KIF5C: variants seen among roughly 807,000 people sequenced by gnomAD.
KIF5C encodes kinesin heavy chain isoform 5C.
A neutral mutation model predicts 125.2 loss-of-function variants in KIF5C; 18 were observed. The ratio of observed to expected loss-of-function variants is 0.14; its 90% CI spans 0.10 to 0.21. The LOEUF (loss-of-function observed/expected upper bound fraction) is 0.21. Among genes scored for constraint, KIF5C ranks in the 10% least tolerant of loss-of-function variants. The pLI is 1.00. For missense variants in KIF5C, 780 were observed against 1,183.8 expected, an observed-to-expected ratio of 0.66 and a Z score of 5.01; for synonymous variants, 405 against 434.0, an observed-to-expected ratio of 0.93 and a Z score of 0.83.
chr2:148,913,371 C>G (rs1292784654), intron 1 of KIF5C, among the ~76,000 whole-genome samples: 1 of 152,094 alleles, frequency 6.6e-6, no homozygotes, highest in Non-Finnish European at 1.5e-5. Flanking sequence ...GTCTGACCCC[C>G]AAAATCATGA....
chr2:148,901,052 C>G (rs943119294), intron 1 of KIF5C, among the ~76,000 whole-genome samples: 3 of 152,184 alleles, frequency 2.0e-5, no homozygotes, highest in Non-Finnish European at 4.4e-5. Flanking sequence ...ATGCGGTTGA[C>G]CAGAAAGGGA....
At position 148,901,713 on chromosome 2, in the gene KIF5C, G is replaced by T. The variant is rs1184870623; in HGVS notation, c.127-20424G>T. On this transcript the variant is annotated intron_variant, in intron 1 of 25. Coordinates refer to ENST00000435030, the MANE Select transcript of KIF5C (RefSeq NM_004522.3). ...GGGCAGATGTGGTACACCCATGTCA[G>T]ATACCCCAGTGGCAGGCTCCTGTCA... is the stretch of plus-strand genomic sequence containing the variant. Among the ~76,000 whole-genome samples, 5 of 152,164 alleles carry T rather than the reference G, an allele frequency of 3.3e-5. 1 individual carries two copies. In the South Asian group the frequency reaches 1.0e-3, roughly 32 times the overall value.
chr2:148,994,716 T>C (rs937164111), intron 17 of KIF5C, among the ~76,000 whole-genome samples, 178 bp downstream of exon 17: 1 of 151,998 alleles, frequency 6.6e-6, no homozygotes, highest in Non-Finnish European at 1.5e-5. Flanking sequence ...TCTTTTTTTT[T>C]TTTTAAGATG....
At chr2:148,883,296 TC>T (rs1294820098) in intron 1 of KIF5C, among the ~76,000 whole-genome samples, 1 of 152,024 alleles carries the variant, frequency 6.6e-6, no homozygotes, top group African/African-American at 2.4e-5. Context: ...GGTCAGGAGA[TC>T]GAGACCATCC....
At chr2:148,890,362 A>G (rs1404558188) in intron 1 of KIF5C, among the ~76,000 whole-genome samples, 4 of 152,228 alleles carry the variant, frequency 2.6e-5, no homozygotes, top group South Asian at 2.1e-4. Flanking sequence ...TTAGCCAGGT[A>G]TGGTCGTGTG....
intron 21 of KIF5C, among the ~76,000 whole-genome samples, chr2:149,003,718 T>C (rs76955231): frequency 0.017 from 2,609 of 152,332 alleles, 44 homozygotes; most frequent in Non-Finnish European, 0.024. Context: ...TATACTACCC[T>C]TCCCAAACTG....
At chr2:148,973,276 C>T (rs1423762870) in intron 11 of KIF5C, 60 bp from the exon 12 acceptor site, 1 of 1,551,698 alleles carries the variant, frequency 6.4e-7, no homozygotes, top group Non-Finnish European at 8.7e-7. Context: ...TGGTACTCTT[C>T]CTGGAGGGTT....
At chr2:148,969,175 C>A (rs1386112621) in intron 11 of KIF5C, among the ~76,000 whole-genome samples, 1 of 151,998 alleles carries the variant, frequency 6.6e-6, no homozygotes, top group Non-Finnish European at 1.5e-5. Context: ...ATTTTAATAG[C>A]CCTAATGAGA....
intron 9 of KIF5C, 64 bp downstream of exon 9, chr2:148,950,007 G>A (rs1428781362): frequency 1.9e-6 from 3 of 1,546,952 alleles, no homozygotes; most frequent in Non-Finnish European, 2.6e-6. Flanking sequence ...GGGCCTCATA[G>A]TCCCTTTGCC....
chr2:148,925,669 C>T (rs1233335294), intron 2 of KIF5C, among the ~76,000 whole-genome samples: 2 of 152,174 alleles, frequency 1.3e-5, no homozygotes, highest in African/African-American at 4.8e-5. Flanking sequence ...GGTGGGCACA[C>T]AGCTAGCATT....
Position 148,981,551 on chromosome 2 carries a change from C to A in KIF5C, c.1559C>A (p.Ala520Asp). 6.3e-7 allele frequency: 1 copy of A among 1,594,944 alleles called. No homozygotes were observed. Among genetic ancestry groups the A allele is most frequent in the Non-Finnish European group, 8.5e-7 (1 of 1,171,044 alleles). ...AATGAGCAGCTGACAGACGAGCTGG[C>A]CCAGAAAACGGTTGGAGCATTTGTG... ...RANEQLTDEL[A>D]QKTTTLTTTQ... The change falls in exon 14 of 26, where the codon GCC becomes GAC. Residue 520 changes from alanine to aspartate, a missense_variant. Transcript: ENST00000435030.
intron 25 of KIF5C, among the ~76,000 whole-genome samples, chr2:149,019,173 T>C (rs2105212618): frequency 6.6e-6 from 1 of 152,248 alleles, no homozygotes; most frequent in East Asian, 1.9e-4. Context: ...TAATCCCCCT[T>C]TGTCACACCA....
rs1008464932 is a variant in KIF5C at position 149,023,706 on chromosome 2, A to G, written c.*636A>G. ...GGCAGAAAAACAATCTGACAGTAGC[A>G]GTGTAGAATTTGTTCATTCAAATAC... is the stretch of plus-strand genomic sequence containing the variant. On this transcript the variant is annotated 3_prime_UTR_variant, in exon 26 of 26. Coordinates refer to ENST00000435030, the MANE Select transcript of KIF5C (RefSeq NM_004522.3). The G allele has an allele frequency of 3.3e-5, 5 of 152,694 alleles. No individual in the cohort carries two copies. The highest frequency in any genetic ancestry group is 3.4e-3 in the Middle Eastern group (1 of 294). The allele number at this position is 152,694 out of a possible 1,614,324, so 9.5% of individuals were successfully genotyped here.
intron 17 of KIF5C, among the ~76,000 whole-genome samples, chr2:148,996,123 C>G (rs781571730): frequency 6.6e-6 from 1 of 152,102 alleles, no homozygotes; most frequent in South Asian, 2.1e-4. Context: ...GCACTGCACT[C>G]CAGCCTGGGC....
At chr2:148,996,893 G>A (rs189918503) in intron 17 of KIF5C, among the ~76,000 whole-genome samples, 14 of 152,324 alleles carry the variant, frequency 9.2e-5, no homozygotes, top group Admixed American at 3.3e-4. Context: ...TTTATCATCT[G>A]TAAGGCCCGT....
At chr2:148,986,117 G>C (rs369394165) in intron 15 of KIF5C, among the ~76,000 whole-genome samples, 1 of 152,186 alleles carries the variant, frequency 6.6e-6, no homozygotes, top group Non-Finnish European at 1.5e-5. Flanking sequence ...TGCTGATAAC[G>C]ATAAAGGAAG....
chr2:149,006,728 T>G (rs1478682842), intron 22 of KIF5C, among the ~76,000 whole-genome samples: 1 of 152,108 alleles, frequency 6.6e-6, no homozygotes, highest in East Asian at 1.9e-4. Context: ...GCTAGGCGAT[T>G]AGGTAGTAAG....
At chr2:149,013,265 A>G (rs370778612) in intron 25 of KIF5C, among the ~76,000 whole-genome samples, 6 of 152,200 alleles carry the variant, frequency 3.9e-5, no homozygotes, top group African/African-American at 1.4e-4. Context: ...TCCTGAACTC[A>G]AGGCCAGCTC....
intron 13 of KIF5C, 143 bp downstream of exon 13, chr2:148,979,133 C>G: frequency 1.8e-6 from 2 of 1,118,078 alleles, no homozygotes; most frequent in Non-Finnish European, 2.4e-6. Context: ...TGTCCCTTCA[C>G]TGCCTCTTAC....
Sources: allele counts gnomAD v4.1 joint callset (sites outside exome capture counted in the v4.1 genomes callset), GRCh38; gene constraint gnomAD v4.1.1; transcripts MANE v1.5; gene names NCBI Gene and HGNC (gene_info 2026-07-23, HGNC 2026-07-21).